CLIP2: variants seen among roughly 807,000 people sequenced by gnomAD.
CLIP2 encodes CAP-Gly domain containing linker protein 2, also known as CAP-Gly domain-containing linker protein 2.
CLIP2 carries 41 observed loss-of-function variants against 111.7 expected under a neutral mutation model. The ratio of observed to expected loss-of-function variants is 0.37; its 90% CI spans 0.29 to 0.48. The LOEUF (loss-of-function observed/expected upper bound fraction) is 0.48, where lower values mean the gene tolerates loss of function less well. CLIP2 is among the 20% of genes least tolerant of loss of function. CLIP2 has a pLI of 0.99. For synonymous variants in CLIP2, 660 were observed against 644.2 expected (o/e 1.02, Z -0.37); for missense variants, 1,160 against 1,422.1 (o/e 0.82, Z 2.96).
intron 1 of CLIP2, among the ~76,000 whole-genome samples, chr7:74,305,260 C>G (rs1788447181): frequency 6.6e-6 from 1 of 151,614 alleles, no homozygotes; most frequent in Admixed American, 6.6e-5. Flanking sequence ...ATGGGGCACC[C>G]TGGGTTTGCA....
At chr7:74,307,525 C>G (rs1270807067) in intron 1 of CLIP2, among the ~76,000 whole-genome samples, 1 of 152,146 alleles carries the variant, frequency 6.6e-6, no homozygotes, top group Non-Finnish European at 1.5e-5. Context: ...GAGTGTCGAT[C>G]TGTCGCCCAG....
chr7:74,390,219 AAG>A (rs1294725949), intron 13 of CLIP2, among the ~76,000 whole-genome samples: 2 of 61,028 alleles, frequency 3.3e-5, no homozygotes, highest in East Asian at 7.0e-4. Flanking sequence ...GAAAGAAAGA[AAG>A]AAAGGATTAA....
intron 3 of CLIP2, among the ~76,000 whole-genome samples, chr7:74,349,455 T>G: frequency 2.1e-5 from 1 of 47,060 alleles, no homozygotes; most frequent in Non-Finnish European, 4.2e-5. Context: ...AAAGTATGTA[T>G]GTGTGTGTGT....
chr7:74,366,514 T>C (rs1790472955), intron 8 of CLIP2, among the ~76,000 whole-genome samples: 2 of 152,210 alleles, frequency 1.3e-5, no homozygotes, highest in Admixed American at 6.6e-5. Context: ...GGGGCTGCAA[T>C]AATGCACAGC....
intron 1 of CLIP2, among the ~76,000 whole-genome samples, chr7:74,290,661 A>G (rs1015473097): frequency 1.3e-5 from 2 of 151,608 alleles, no homozygotes; most frequent in East Asian, 3.9e-4. Flanking sequence ...GTCTGCCGTC[A>G]CTCTTGCGCG....
chr7:74,334,611 A>T (rs1377250787), intron 2 of CLIP2, among the ~76,000 whole-genome samples: 1 of 152,142 alleles, frequency 6.6e-6, no homozygotes, highest in East Asian at 1.9e-4. Flanking sequence ...CTCTCTCTGC[A>T]TAGGAAAGTG....
In CLIP2 at chr7:74,371,684, CGGG is replaced by C. The variant is rs111521730; in HGVS notation, c.1381-1243_1381-1241del. On this transcript the variant is annotated intron_variant, in intron 8 of 16. Coordinates refer to ENST00000223398, the MANE Select transcript of CLIP2 (RefSeq NM_003388.5). ...GGGAAAAAGAAAGGAGGGAGAGAGACGGGGGGGAGAAAGAAGAGAGAGAAAGTG... is the reference window on the plus strand; with the variant it reads ...GGGAAAAAGAAAGGAGGGAGAGAGACGGGGAGAAAGAAGAGAGAGAAAGTG... Among the ~76,000 whole-genome samples, 157 of 100,302 alleles carry C rather than the reference CGGG, an allele frequency of 1.6e-3. 1 individual carries two copies. Among genetic ancestry groups the C allele is most frequent in the African/African-American group, 4.2e-3 (101 of 23,850 alleles). The allele number at this position is 100,302 out of a possible 152,430, so 65.8% of individuals were successfully genotyped here. A position where few individuals can be genotyped will look rare whatever the true frequency, so the allele number is the denominator to read the frequency against.
chr7:74,321,398 A>G (rs891427859), intron 2 of CLIP2, among the ~76,000 whole-genome samples: 2 of 151,960 alleles, frequency 1.3e-5, no homozygotes, highest in Admixed American at 6.6e-5. Flanking sequence ...AGCATTTCCT[A>G]TTGCCGACAT....
chr7:74,338,391 C>T lies in CLIP2; in HGVS notation c.122-57C>T, dbSNP rs992898760. On this transcript the variant is annotated intron_variant, in intron 2 of 16. Coordinates refer to ENST00000223398, the MANE Select transcript of CLIP2 (RefSeq NM_003388.5). The surrounding 1 kb of genome is among the most constrained non-coding windows in gnomAD (Gnocchi z 4.3). ...ACCCTAGACTCTGTGCTCCTGGGGC[C>T]ACCCAGGGGCCAGCCCTAACAGCCA... 19 of 1,557,636 alleles carry T rather than the reference C, an allele frequency of 1.2e-5. No homozygotes were observed. The African/African-American group carries it at 2.3e-4, about 19-fold the overall frequency.
intron 1 of CLIP2, among the ~76,000 whole-genome samples, chr7:74,294,954 GC>G (rs1788128643): frequency 1.3e-5 from 2 of 151,954 alleles, no homozygotes; most frequent in South Asian, 4.2e-4. Context: ...TAGAACTGGG[GC>G]TAGGTTTTGT....
intron 1 of CLIP2, among the ~76,000 whole-genome samples, chr7:74,304,802 G>A (rs113884300): frequency 0.012 from 1,846 of 151,992 alleles, 35 homozygotes; most frequent in African/African-American, 0.039. Flanking sequence ...TAAATTAGCC[G>A]GATATGGTGG....
chr7:74,329,373 C>T (rs1554731019), intron 2 of CLIP2, among the ~76,000 whole-genome samples: 1 of 152,052 alleles, frequency 6.6e-6, no homozygotes, highest in Non-Finnish European at 1.5e-5. Flanking sequence ...GAGCACCTCT[C>T]ATTCCCAGAA....
At chr7:74,291,060 G>A (rs3900843) in intron 1 of CLIP2, among the ~76,000 whole-genome samples, 7 of 152,212 alleles carry the variant, frequency 4.6e-5, no homozygotes, top group African/African-American at 1.7e-4. Context: ...GTCAGAAAAG[G>A]AGGCTATTGG....
chr7:74,390,327 C>T (rs1419964959), intron 13 of CLIP2, among the ~76,000 whole-genome samples: 1 of 152,004 alleles, frequency 6.6e-6, no homozygotes, highest in African/African-American at 2.4e-5. Flanking sequence ...TCTATATTTA[C>T]CATATTAGAA....
At chr7:74,349,484 A>G (rs1462556661) in intron 3 of CLIP2, among the ~76,000 whole-genome samples, 4 of 116,422 alleles carry the variant, frequency 3.4e-5, no homozygotes, top group South Asian at 2.8e-4. Flanking sequence ...ATATATATAT[A>G]TATATATATA....
chr7:74,361,774 G>A (rs1790337103), intron 7 of CLIP2, among the ~76,000 whole-genome samples: 1 of 152,142 alleles, frequency 6.6e-6, no homozygotes, highest in Non-Finnish European at 1.5e-5. Flanking sequence ...CTGTGTCCAG[G>A]TGTCAGCCCT....
intron 1 of CLIP2, among the ~76,000 whole-genome samples, chr7:74,310,534 A>T (rs1248775811): frequency 6.6e-6 from 1 of 152,092 alleles, no homozygotes. Flanking sequence ...AAATAAAAAT[A>T]AAATTAAAAT....
At chr7:74,398,765 A>T (rs933500808) in intron 14 of CLIP2, among the ~76,000 whole-genome samples, 5 of 71,274 alleles carry the variant, frequency 7.0e-5, no homozygotes, top group African/African-American at 3.2e-4. Context: ...CTATCTGGCT[A>T]GCAGGGGTTG....
At chr7:74,318,588 C>T (rs1347000642) in intron 2 of CLIP2, among the ~76,000 whole-genome samples, 1 of 152,024 alleles carries the variant, frequency 6.6e-6, no homozygotes, top group Admixed American at 6.6e-5. Flanking sequence ...TGGCGGGCGC[C>T]TATAGTCCCA....
Sources: gnomAD v4.1 joint callset for allele counts (sites outside exome capture counted in the v4.1 genomes callset) on GRCh38, gnomAD v4.1.1 for gene constraint, Gnocchi (gnomAD v3.1) non-coding constraint, MANE v1.5 for transcripts, NCBI Gene and HGNC (gene_info 2026-07-23, HGNC 2026-07-21) for gene names.